Variants in SMIM23 observed in about 807,000 individuals in gnomAD.
The protein encoded by SMIM23 is CTB-78H18.1.
Under a neutral mutation model 12.8 loss-of-function variants are expected in SMIM23, and 10 were observed. The observed-to-expected ratio is 0.78, with a 90% CI of 0.48 to 1.32. The LOEUF (loss-of-function observed/expected upper bound fraction) is 1.32. Among genes scored for constraint, SMIM23 ranks in the 40% most tolerant of loss-of-function variants. SMIM23 has a pLI of 0.00. For missense variants in SMIM23, 184 were observed against 198.2 expected, an observed-to-expected ratio of 0.93 and a Z score of 0.43; for synonymous variants, 78 against 80.1, an observed-to-expected ratio of 0.97 and a Z score of 0.14.
At chr5:171,774,264 C>T in the SMIM23 span, 5 of 382,886 alleles carry the variant, frequency 1.3e-5, no homozygotes, top group Admixed American at 1.5e-4. Context: ...TGGCCCATCC[C>T]ATTCAGAGAT....
the SMIM23 span, chr5:171,773,974 A>G: frequency 1.3e-5 from 5 of 391,088 alleles, no homozygotes; most frequent in South Asian, 7.8e-5. Flanking sequence ...TAGAATTTAC[A>G]TACGCCATTT....
chr5:171,790,828 GAA>G lies in SMIM23; in HGVS notation c.260_261del (p.Glu87AlafsTer55). Reference sequence around the variant, plus strand: ...ATATCAGACCAACGAGCCCTCAGAAGAACCGATAAAGACCATCAGGAACTGGC... The same window carrying G: ...ATATCAGACCAACGAGCCCTCAGAAGCCGATAAAGACCATCAGGAACTGGC... Reference protein sequence around the residue: ...LEYQTNEPSEEPIKTIRNWLK... With the variant: ...LEYQTNEPSEXPIKTIRNWLK... On this transcript the variant is annotated frameshift_variant, in exon 4 of 4. Coordinates refer to ENST00000523047, the MANE Select transcript of SMIM23 (RefSeq NM_001289970.2). LOFTEE classifies it low-confidence loss of function (END_TRUNC). 2.0e-6 allele frequency: 3 copies of G among 1,536,144 alleles called. No homozygotes were observed. The highest frequency in any genetic ancestry group is 2.6e-6 in the Non-Finnish European group (3 of 1,146,924).
chr5:171,774,407 G>A, the SMIM23 span: 1 of 456,206 alleles, frequency 2.2e-6, no homozygotes, highest in Non-Finnish European at 4.4e-6. Context: ...GCAGTTAGCA[G>A]AAACAATATG....
chr5:171,789,887 T>TACTCATCAG (rs1755890315), intron 1 of SMIM23, among the ~76,000 whole-genome samples: 3 of 152,254 alleles, frequency 2.0e-5, no homozygotes, highest in African/African-American at 7.2e-5. Context: ...CATTCATCAA[T>TACTCATCAG]ACTCATCAGA....
chr5:171,791,118 A>G lies in SMIM23; in HGVS notation c.*30A>G. ...TGAAGTTCCAGTCAGGCAAGAAAAT[A>G]AAGTAGTTGGGAAATGAAGTCCGCT... is the stretch of plus-strand genomic sequence containing the variant. On this transcript the variant is annotated 3_prime_UTR_variant, in exon 4 of 4. Coordinates refer to ENST00000523047, the MANE Select transcript of SMIM23 (RefSeq NM_001289970.2). 1 of 1,451,204 alleles carries G rather than the reference A, an allele frequency of 6.9e-7. No homozygotes were observed. The highest frequency in any genetic ancestry group is 9.0e-7 in the Non-Finnish European group (1 of 1,109,102). 89.9% of individuals were successfully genotyped at this position (1,451,204 alleles called of 1,614,324 possible).
At chr5:171,786,370 C>T (rs934930220) in intron 1 of SMIM23, among the ~76,000 whole-genome samples, 1 of 152,128 alleles carries the variant, frequency 6.6e-6, no homozygotes, top group African/African-American at 2.4e-5. Context: ...GGGATTTCGT[C>T]AAAATGGAAA....
the SMIM23 span, among the ~76,000 whole-genome samples, chr5:171,775,750 A>G: frequency 6.6e-6 from 1 of 152,242 alleles, no homozygotes; most frequent in Non-Finnish European, 1.5e-5. Flanking sequence ...TGCTTAATTC[A>G]GTGCTTAACA....
chr5:171,777,382 G>GC, the SMIM23 span, among the ~76,000 whole-genome samples: 1 of 151,270 alleles, frequency 6.6e-6, no homozygotes, highest in Non-Finnish European at 1.5e-5. Flanking sequence ...AATTAATCCT[G>GC]TTTTTTTTTC....
In SMIM23 at chr5:171,790,514, G is replaced by A. The variant is rs772342594; in HGVS notation, c.190G>A (p.Glu64Lys). The A allele has an allele frequency of 2.0e-4, 302 of 1,536,670 alleles. 1 individual carries two copies. Among genetic ancestry groups the A allele is most frequent in the Non-Finnish European group, 2.5e-4 (288 of 1,147,074 alleles). Residue 64 changes from glutamate (E) to lysine (K), a missense_variant, in exon 3 of 4, where the codon GAA (glutamate) becomes AAA (lysine). Physicochemically the swap from Glu to Lys is moderately conservative, Grantham distance 56 (BLOSUM62 1). Transcript: ENST00000523047. Reference sequence around the variant, plus strand: ...TTGGGAGGTGTCAGAAAGGATCAGAGAATGTAACTACTACCAGAATCTTGC... The same window carrying A: ...TTGGGAGGTGTCAGAAAGGATCAGAAAATGTAACTACTACCAGAATCTTGC... ...SSWEVSERIR[E>K]CNYYQNLAVP...
intron 1 of SMIM23, among the ~76,000 whole-genome samples, chr5:171,789,963 G>C (rs183639837): frequency 1.3e-5 from 2 of 152,342 alleles, no homozygotes; most frequent in Admixed American, 6.5e-5. Context: ...CAATGAAGTT[G>C]ATTCCTTTTC....
At chr5:171,790,649 G>T in intron 3 of SMIM23, 100 bp downstream of exon 3, 1 of 1,383,824 alleles carries the variant, frequency 7.2e-7, no homozygotes, top group Non-Finnish European at 9.9e-7. Flanking sequence ...GTAGTCGCTT[G>T]TCAAGTGCAG....
chr5:171,786,090 G>A (rs2113649119), intron 1 of SMIM23, 114 bp downstream of exon 1: 3 of 830,038 alleles, frequency 3.6e-6, no homozygotes, highest in South Asian at 3.2e-5. Flanking sequence ...AACCGTCCCT[G>A]GATCCCACTC....
intron 1 of SMIM23, among the ~76,000 whole-genome samples, chr5:171,787,078 A>G (rs1334604618): frequency 7.7e-6 from 1 of 129,494 alleles, no homozygotes; most frequent in African/African-American, 2.9e-5. Flanking sequence ...GGAGTACAAC[A>G]GTGCGATCTT....
upstream of SMIM23, among the ~76,000 whole-genome samples, chr5:171,778,490 CACAGAT>C (rs781711479): frequency 0.013 from 1,454 of 108,070 alleles, 14 homozygotes; most frequent in African/African-American, 0.038. Context: ...CACACACACA[CACAGAT>C]AGAGACAGAG....
At chr5:171,777,167 G>C in the SMIM23 span, among the ~76,000 whole-genome samples, 2 of 151,736 alleles carry the variant, frequency 1.3e-5, no homozygotes, top group Non-Finnish European at 2.9e-5. Flanking sequence ...TGAGTAATAA[G>C]AGTTGTGTCT....
chr5:171,780,041 T>C (rs1755701930), upstream of SMIM23, among the ~76,000 whole-genome samples: 1 of 152,130 alleles, frequency 6.6e-6, no homozygotes, highest in African/African-American at 2.4e-5. Context: ...CCCAAGTGAA[T>C]GTTACAATGA....
the SMIM23 span, chr5:171,773,564 G>A: frequency 2.5e-4 from 86 of 337,906 alleles, no homozygotes; most frequent in African/African-American, 1.7e-3. Context: ...GTGCCCTCAC[G>A]GGGCAGACTG....
intron 1 of SMIM23, among the ~76,000 whole-genome samples, chr5:171,786,578 C>A (rs1258334031): frequency 1.3e-5 from 2 of 152,164 alleles, no homozygotes; most frequent in African/African-American, 4.8e-5. Context: ...GAACCCTGAG[C>A]AAGGGTTTAT....
At chr5:171,774,484 C>T in the SMIM23 span, 1 of 456,316 alleles carries the variant, frequency 2.2e-6, no homozygotes, top group Non-Finnish European at 4.4e-6. Context: ...ATGGGCCTTG[C>T]ACCTCGGATG....
Sources: allele counts gnomAD v4.1 joint callset (sites outside exome capture counted in the v4.1 genomes callset), GRCh38; gene constraint gnomAD v4.1.1; transcripts MANE v1.5; gene names NCBI Gene and HGNC (gene_info 2026-07-23, HGNC 2026-07-21).